HARS2: variants seen among roughly 807,000 people sequenced by gnomAD.
HARS2 encodes the protein histidine--tRNA ligase, mitochondrial.
In HARS2, 40 loss-of-function variants were observed where a neutral mutation model predicts 62.4. The observed-to-expected ratio is 0.64, with a 90% CI of 0.50 to 0.83. HARS2 has a LOEUF of 0.83. Ranked by LOEUF, HARS2 falls within the 40% of genes least tolerant of loss-of-function variation. The probability of loss-of-function intolerance (pLI) is 0.00; values close to 1 mark genes in which losing one functional copy is unlikely to be tolerated. For synonymous variants in HARS2, 228 were observed against 227.0 expected, an observed-to-expected ratio of 1.00 and a Z score of -0.04; for missense variants, 569 against 626.4, an observed-to-expected ratio of 0.91 and a Z score of 0.98.
chr5:140,697,825 G>A (rs920700420), intron 11 of HARS2, 107 bp from the exon 12 acceptor site: 5 of 1,357,646 alleles, frequency 3.7e-6, no homozygotes, highest in Non-Finnish European at 5.3e-6. Context: ...GGCTTTTTAG[G>A]GTAGGCGGAC....
At chr5:140,697,778 C>T in intron 11 of HARS2, 93 bp downstream of exon 11, 1 of 1,260,400 alleles carries the variant, frequency 7.9e-7, no homozygotes, top group African/African-American at 1.5e-5. Context: ...GAACTCAAAA[C>T]CTTTTTAGTC....
In HARS2 at chr5:140,697,578, G is replaced by A; in HGVS notation, c.1207G>A (p.Glu403Lys). The stretch of plus-strand genomic sequence containing the variant: ...TCTTCTCTCTTATTAGACCAAAGGT[G>A]AGAAGGTGCGGACTACAGAGACTCA... ...IVEQRMKTKG[E>K]KVRTTETQVF... Residue 403 changes from glutamate to lysine, a missense_variant, in exon 11 of 13, where the codon GAG becomes AAG. Physicochemically the swap from Glu to Lys is moderately conservative, Grantham distance 56. Transcript: ENST00000230771. 1.2e-6 allele frequency: 2 copies of A among 1,612,948 alleles called. No individual in the cohort carries two copies. The highest frequency in any genetic ancestry group is 1.7e-6 in the Non-Finnish European group (2 of 1,178,926).
At chr5:140,695,695 G>C in intron 5 of HARS2, 43 bp from the exon 6 acceptor site, 5 of 1,613,660 alleles carry the variant, frequency 3.1e-6, no homozygotes, top group Non-Finnish European at 4.2e-6. Context: ...CTTGAAACTG[G>C]CTGGATAATG....
chr5:140,696,214 A>G lies in HARS2; in HGVS notation c.732+13A>G. On this transcript the variant is annotated intron_variant, in intron 7 of 12. Transcript: ENST00000230771. ...TAAACTAGACAAGGTAACAAAGAAG[A>G]CATACTTCAGTAGACCCTATCTAGC... 6.5e-7 allele frequency: 1 copy of G among 1,549,232 alleles called. No homozygotes were observed. Among genetic ancestry groups the G allele is most frequent in the Non-Finnish European group, 8.9e-7 (1 of 1,120,634 alleles).
rs770867940 is a variant in HARS2, at chr5:140,691,617, C to A, written c.-32C>A. 5 of 1,411,032 alleles carry A rather than the reference C, an allele frequency of 3.5e-6. No homozygotes were observed. Among genetic ancestry groups the A allele is most frequent in the South Asian group, 1.2e-5 (1 of 81,236 alleles). The allele number at this position is 1,411,032 out of a possible 1,614,324, so 87.4% of individuals were successfully genotyped here. A position where few individuals can be genotyped will look rare whatever the true frequency, so the allele number is the denominator to read the frequency against. On this transcript the variant is annotated 5_prime_UTR_variant, in exon 1 of 13. Coordinates refer to ENST00000230771, the MANE Select transcript of HARS2 (RefSeq NM_012208.4). Reference sequence around the variant, plus strand: ...CCGCCTCCTTCCCAGGCCTTTTGTTCCTGTCCCGGAAAGCCGGCGTCCTGC... The same window carrying A: ...CCGCCTCCTTCCCAGGCCTTTTGTTACTGTCCCGGAAAGCCGGCGTCCTGC...
chr5:140,693,800 G>A, intron 2 of HARS2, 135 bp downstream of exon 2: 1 of 1,207,244 alleles, frequency 8.3e-7, no homozygotes, highest in Non-Finnish European at 1.2e-6. Context: ...GATACTAGGT[G>A]CGGCTCAGAG....
At position 140,693,943 on chromosome 5, in the gene HARS2, G is replaced by T. The variant is rs766170917; in HGVS notation, c.192G>T (p.Arg64Ser). The T allele has an allele frequency of 1.2e-6, 2 of 1,613,994 alleles. No homozygotes were observed. The highest frequency in any genetic ancestry group is 1.1e-5 in the South Asian group (1 of 91,064). ...CTGCTTTTGGTTTCCAGGGTACCAG[G>T]GATCTTAGTCCTCAGCATATGGTTG... The part of the protein sequence containing the change: ...NFIIKTPKGT[R>S]DLSPQHMVVR... Residue 64 changes from arginine (R) to serine (S), a missense_variant, in exon 3 of 13, where the codon AGG becomes AGT. Arg to Ser is a moderately radical substitution (Grantham distance 110). Coordinates refer to ENST00000230771, the MANE Select transcript of HARS2 (RefSeq NM_012208.4).
intron 4 of HARS2, among the ~76,000 whole-genome samples, chr5:140,694,622 T>G (rs988240215): frequency 1.3e-5 from 2 of 152,156 alleles, no homozygotes; most frequent in Admixed American, 1.3e-4. Context: ...TCCAAGCCCT[T>G]TGGGAGGCTG....
Position 140,697,697 on chromosome 5 carries a change from CTGA to C in HARS2, c.1314+14_1314+16del, listed in dbSNP as rs1562062175. On this transcript the variant is annotated intron_variant, in intron 11 of 12. Coordinates refer to ENST00000230771, the MANE Select transcript of HARS2 (RefSeq NM_012208.4). ...ATTCTGGAATCAAGGTATGGTGGAG[CTGA>C]TATCTGAGCCATCTGGGTATGTGTG... The C allele has an allele frequency of 1.3e-6, 2 of 1,551,304 alleles. No individual in the cohort carries two copies. Among genetic ancestry groups the C allele is most frequent in the Non-Finnish European group, 1.8e-6 (2 of 1,122,668 alleles).
At chr5:140,692,047 C>T (rs1759515504) in intron 1 of HARS2, 1 of 438,830 alleles carries the variant, frequency 2.3e-6, no homozygotes, top group Admixed American at 3.9e-5. Flanking sequence ...CATATCCACA[C>T]TTTTTCCTGA....
At position 140,691,713 on chromosome 5, in the gene HARS2, C is replaced by A. The variant is rs1315545521; in HGVS notation, c.65C>A (p.Pro22Gln). ...WASLLSQLLR[P>Q]PCASCTGAVR... The stretch of plus-strand genomic sequence containing the variant: ...TCGCTGCTCAGCCAGCTCCTGCGAC[C>A]GCCCTGCGCTTCGTGCACCGGGGCG... Residue 22 changes from proline to glutamine, a missense_variant, in exon 1 of 13, where the codon CCG becomes CAG. By Grantham distance (76) the Pro-to-Gln change is moderately conservative (BLOSUM62 -1). Coordinates refer to ENST00000230771, the MANE Select transcript of HARS2 (RefSeq NM_012208.4). 52 of 1,552,884 alleles carry A rather than the reference C, an allele frequency of 3.3e-5. No individual in the cohort carries two copies. Among genetic ancestry groups the A allele is most frequent in the Non-Finnish European group, 4.4e-5 (51 of 1,147,970 alleles).
chr5:140,693,642 A>C lies in HARS2; in HGVS notation c.160A>C (p.Asn54His). The C allele has an allele frequency of 6.2e-7, 1 of 1,613,958 alleles. No individual in the cohort carries two copies. The change falls in exon 2 of 13, where the codon AAT becomes CAT. Residue 54 changes from asparagine (N) to histidine (H), a missense_variant. Physicochemically the swap from Asn to His is moderately conservative, Grantham distance 68. Coordinates refer to ENST00000230771, the MANE Select transcript of HARS2 (RefSeq NM_012208.4). ...SQLKAHQEKP[N>H]FIIKTPKGTR... is the part of the protein sequence containing the mutation. The stretch of plus-strand genomic sequence containing the variant: ...ACTGAAAGCACATCAAGAGAAACCA[A>C]ATTTTATTATCAAGACCCCAAAGGT...
intron 1 of HARS2, 169 bp downstream of exon 1, chr5:140,691,925 G>A: frequency 1.6e-6 from 1 of 629,752 alleles, no homozygotes. Flanking sequence ...AATCCTTGGA[G>A]CAATCTTGAG....
chr5:140,691,573 A>G lies in HARS2; in HGVS notation c.-76A>G, dbSNP rs1562039629. ...GGGTTCCGCCTTTGCAGTGCCCTCC[A>G]CCCTTCCTGGTGTCTGACCCGCCTC... On this transcript the variant is annotated 5_prime_UTR_variant, in exon 1 of 13. Transcript: ENST00000230771. 2 of 993,648 alleles carry G rather than the reference A, an allele frequency of 2.0e-6. No homozygotes were observed. The highest frequency in any genetic ancestry group is 1.6e-5 in the African/African-American group (1 of 62,400). 61.6% of individuals were successfully genotyped at this position (993,648 alleles called of 1,614,324 possible). A position where few individuals can be genotyped will look rare whatever the true frequency, so the allele number is the denominator to read the frequency against.
intron 1 of HARS2, among the ~76,000 whole-genome samples, chr5:140,693,281 G>A (rs755683529): frequency 2.7e-5 from 4 of 150,768 alleles, no homozygotes; most frequent in South Asian, 2.1e-4. Context: ...GCAGTGAGCC[G>A]TGATTGTGCC....
At chr5:140,696,849 TTAAAG>T in intron 8 of HARS2, 89 bp from the exon 9 acceptor site, 1 of 1,071,696 alleles carries the variant, frequency 9.3e-7, no homozygotes, top group Non-Finnish European at 1.4e-6. Flanking sequence ...TTTTTTTTTT[TTAAAG>T]AAAATGAGGA....
intron 11 of HARS2, 42 bp from the exon 12 acceptor site, chr5:140,697,890 T>C (rs1370994369): frequency 3.1e-6 from 5 of 1,601,414 alleles, no homozygotes; most frequent in Non-Finnish European, 4.3e-6. Flanking sequence ...TTTGTTGCTG[T>C]GTTCACTTCT....
At position 140,695,215 on chromosome 5, in the gene HARS2, G is replaced by A. The variant is rs560452479; in HGVS notation, c.400-293G>A. On this transcript the variant is annotated intron_variant, in intron 4 of 12. Transcript: ENST00000230771. The stretch of plus-strand genomic sequence containing the variant: ...AAGCTTGACTATTTTGAGATGGTTC[G>A]GAATCGATCTGAATGGGCAGAAAGA... Among the ~76,000 whole-genome samples, 21 of 152,288 alleles carry A rather than the reference G, an allele frequency of 1.4e-4. No homozygotes were observed. The East Asian group carries it at 2.7e-3, about 20-fold the overall frequency.
In HARS2 at chr5:140,697,831, C is replaced by T. The variant is rs530332900; in HGVS notation, c.1315-101C>T. The T allele has an allele frequency of 2.3e-3, 3,229 of 1,383,900 alleles. 14 individuals carry two copies. Among genetic ancestry groups the T allele is most frequent in the Middle Eastern group, 0.01 (58 of 5,636 alleles). 85.7% of individuals were successfully genotyped at this position (1,383,900 alleles called of 1,614,324 possible). On this transcript the variant is annotated intron_variant, in intron 11 of 12. Coordinates refer to ENST00000230771, the MANE Select transcript of HARS2 (RefSeq NM_012208.4). ...TACTAGATTGGCTTTTTAGGGTAGG[C>T]GGACTAGCCACTTATCTCTGGCTTT...
Sources: allele counts gnomAD v4.1 joint callset (sites outside exome capture counted in the v4.1 genomes callset), GRCh38; gene constraint gnomAD v4.1.1; transcripts MANE v1.5; gene names NCBI Gene and HGNC (gene_info 2026-07-23, HGNC 2026-07-21).